FIBCD1: variants seen among roughly 807,000 people sequenced by gnomAD.
FIBCD1 encodes the protein fibrinogen C domain-containing protein 1.
FIBCD1 carries 47 observed loss-of-function variants against 45.1 expected under a neutral mutation model. The ratio of observed to expected loss-of-function variants is 1.04; its 90% confidence interval spans 0.82 to 1.33. The LOEUF (loss-of-function observed/expected upper bound fraction) is 1.33, where lower values mean the gene tolerates loss of function less well. Ranked by LOEUF, FIBCD1 falls within the 40% of genes most tolerant of loss-of-function variation. The probability of loss-of-function intolerance (pLI) is 0.00; values close to 1 mark genes in which losing one functional copy is unlikely to be tolerated. For missense variants in FIBCD1, 653 were observed against 682.2 expected, an observed-to-expected ratio of 0.96 and a Z score of 0.48; for synonymous variants, 313 against 308.1, an observed-to-expected ratio of 1.02 and a Z score of -0.17.
chr9:130,911,273 C>T (rs1317743548), intron 5 of FIBCD1, among the ~76,000 whole-genome samples: 1 of 152,126 alleles, frequency 6.6e-6, no homozygotes, highest in African/African-American at 2.4e-5. Flanking sequence ...GGCGCGCTAC[C>T]TTAAGAGCTA....
chr9:130,913,170 G>A (rs1305263022), intron 4 of FIBCD1, among the ~76,000 whole-genome samples: 1 of 152,226 alleles, frequency 6.6e-6, no homozygotes, highest in Non-Finnish European at 1.5e-5. Flanking sequence ...GGCCAGAGCT[G>A]CCTGGAGTAT....
chr9:130,931,145 C>T (rs1832443360), intron 1 of FIBCD1, among the ~76,000 whole-genome samples: 1 of 152,178 alleles, frequency 6.6e-6, no homozygotes, highest in Non-Finnish European at 1.5e-5. Flanking sequence ...GGAGAAGAGG[C>T]CTGCTGCCCT....
intron 1 of FIBCD1, 110 bp from the exon 2 acceptor site, chr9:130,930,156 C>T: frequency 1.5e-6 from 2 of 1,353,534 alleles, no homozygotes; most frequent in Non-Finnish European, 1.9e-6. Flanking sequence ...GGGGGCTGGG[C>T]AAGGGCGTGG....
Position 130,922,328 on chromosome 9 carries a change from G to A in FIBCD1, c.849+1416C>T, listed in dbSNP as rs1310877502. On this transcript the variant is annotated intron_variant, in intron 4 of 6. Transcript: ENST00000372338. This position sits in a 1 kb window ranked among gnomAD's most constrained non-coding sequence, Gnocchi z 4.5. The stretch of plus-strand genomic sequence containing the variant: ...TGGCTAAGCAGGCCTGACTGGCATC[G>A]CCGGCCTCCCAGTCTCTCTCCAGCA... 1.3e-5 allele frequency among the ~76,000 whole-genome samples: 2 copies of A among 152,096 alleles called. No homozygotes were observed. The highest frequency in any genetic ancestry group is 2.9e-5 in the Non-Finnish European group (2 of 68,004).
rs1352652559 is a variant in FIBCD1, at chr9:130,902,852, C to G, written c.*1212G>C. On this transcript the variant is annotated 3_prime_UTR_variant, in exon 7 of 7. Coordinates refer to ENST00000372338, the MANE Select transcript of FIBCD1 (RefSeq NM_032843.5). ...TGCGGGTCTCACCTCTGCATGTGTG[C>G]ACACAAGGAGTGGGGATGACAGCGT... 3 of 152,516 alleles carry G rather than the reference C, an allele frequency of 2.0e-5. No individual in the cohort carries two copies. In the East Asian group the frequency reaches 5.8e-4, roughly 29 times the overall value. 9.4% of individuals were successfully genotyped at this position (152,516 alleles called of 1,614,324 possible).
intron 4 of FIBCD1, among the ~76,000 whole-genome samples, chr9:130,914,303 A>G (rs1347525546): frequency 1.3e-5 from 2 of 152,220 alleles, no homozygotes; most frequent in African/African-American, 2.4e-5. Flanking sequence ...CACCAGCTGC[A>G]AAAGCCAAGT....
At chr9:130,930,110 T>C (rs866458316) in intron 1 of FIBCD1, 64 bp from the exon 2 acceptor site, 3 of 1,461,218 alleles carry the variant, frequency 2.1e-6, no homozygotes, top group Middle Eastern at 4.8e-4. Flanking sequence ...GGGCCAGCAT[T>C]AGAGGCATAC....
rs1180414641 is a variant in FIBCD1 at position 130,926,552 on chromosome 9, G to T, written c.553-2156C>A. Among the ~76,000 whole-genome samples, 1 of 152,216 alleles carries T rather than the reference G, an allele frequency of 6.6e-6. No homozygotes were observed. On this transcript the variant is annotated intron_variant, in intron 2 of 6. Transcript: ENST00000372338. The surrounding 1 kb of genome is among the most constrained non-coding windows in gnomAD (Gnocchi z 4.1). Reference sequence around the variant, plus strand: ...TGGGATAACAAGGCCGGGTGTGGTGGCTCACGCCTGTAATCCCAGCACTTT... The same window carrying T: ...TGGGATAACAAGGCCGGGTGTGGTGTCTCACGCCTGTAATCCCAGCACTTT...
Position 130,910,518 on chromosome 9 carries a change from C to T in FIBCD1, c.946+1274G>A, listed in dbSNP as rs535853526. Among the ~76,000 whole-genome samples the T allele has an allele frequency of 1.3e-4, 20 of 152,360 alleles. No individual in the cohort carries two copies. The South Asian group carries it at 4.1e-3, about 32-fold the overall frequency. On this transcript the variant is annotated intron_variant, in intron 5 of 6. Transcript: ENST00000372338. ...GGCTGAGGAGTGCAGGCACACGGCG[C>T]GGGACTGGCAGGCAGCTCCACCTGC...
At chr9:130,921,467 T>C (rs1321288174) in intron 4 of FIBCD1, among the ~76,000 whole-genome samples, 1 of 152,198 alleles carries the variant, frequency 6.6e-6, no homozygotes, top group East Asian at 1.9e-4. Context: ...ACTTCTCAGA[T>C]GAGAATGGCC....
intron 1 of FIBCD1, among the ~76,000 whole-genome samples, chr9:130,932,447 G>A (rs925476178): frequency 5.3e-5 from 8 of 152,162 alleles, no homozygotes; most frequent in South Asian, 2.1e-4. Flanking sequence ...CGTCCATTCC[G>A]GGCTCCACGC....
At chr9:130,932,778 T>A (rs1333590107) in intron 1 of FIBCD1, among the ~76,000 whole-genome samples, 2 of 152,234 alleles carry the variant, frequency 1.3e-5, no homozygotes, top group East Asian at 3.8e-4. Flanking sequence ...CCAGGGCCGC[T>A]AACTGGGCCG....
upstream of FIBCD1, among the ~76,000 whole-genome samples, chr9:130,939,464 G>A (rs542577998): frequency 4.9e-4 from 75 of 152,220 alleles, no homozygotes; most frequent in African/African-American, 1.7e-3. Context: ...TCCCTGCGCC[G>A]GACCCCGACG....
intron 4 of FIBCD1, among the ~76,000 whole-genome samples, chr9:130,921,843 A>AT (rs1041134316): frequency 6.6e-6 from 1 of 152,228 alleles, no homozygotes; most frequent in South Asian, 2.1e-4. Flanking sequence ...GCTCCAGTAC[A>AT]TTTTTAAAAG....
At chr9:130,924,597 C>G (rs1282709851) in intron 2 of FIBCD1, among the ~76,000 whole-genome samples, 1 of 152,168 alleles carries the variant, frequency 6.6e-6, no homozygotes, top group Non-Finnish European at 1.5e-5. Context: ...AGCCTGTGCT[C>G]TGGGGCCTCG....
intron 1 of FIBCD1, among the ~76,000 whole-genome samples, chr9:130,934,755 C>A (rs758855670): frequency 6.6e-6 from 1 of 152,238 alleles, no homozygotes; most frequent in Non-Finnish European, 1.5e-5. Flanking sequence ...ACCAACCCTA[C>A]CTGTTGCCCC....
At chr9:130,908,500 C>T (rs1831975755) in intron 5 of FIBCD1, among the ~76,000 whole-genome samples, 1 of 152,230 alleles carries the variant, frequency 6.6e-6, no homozygotes, top group Non-Finnish European at 1.5e-5. Flanking sequence ...CATCTCCCCT[C>T]CTTCCACCCA....
At chr9:130,913,972 GCTTTGC>G (rs1474697027) in intron 4 of FIBCD1, among the ~76,000 whole-genome samples, 15 of 152,218 alleles carry the variant, frequency 9.9e-5, no homozygotes, top group African/African-American at 3.4e-4. Context: ...CAGGGCCCCA[GCTTTGC>G]CTTAGAGAGC....
chr9:130,903,749 A>G lies in FIBCD1; in HGVS notation c.*315T>C, dbSNP rs1831874420. On this transcript the variant is annotated 3_prime_UTR_variant, in exon 7 of 7. Coordinates refer to ENST00000372338, the MANE Select transcript of FIBCD1 (RefSeq NM_032843.5). Reference sequence around the variant, plus strand: ...GAGGGTGCCTGGGGCAGACTCCACCATCCTGGCCAGGGGACGGCAAACAGC... The same window carrying G: ...GAGGGTGCCTGGGGCAGACTCCACCGTCCTGGCCAGGGGACGGCAAACAGC... 4.1e-6 allele frequency: 2 copies of G among 484,232 alleles called. No individual in the cohort carries two copies. Among genetic ancestry groups the G allele is most frequent in the Admixed American group, 6.6e-5 (2 of 30,192 alleles). 30.0% of individuals were successfully genotyped at this position (484,232 alleles called of 1,614,324 possible).
Sources: allele counts gnomAD v4.1 joint callset (sites outside exome capture counted in the v4.1 genomes callset), GRCh38; gene constraint gnomAD v4.1.1; non-coding constraint Gnocchi (gnomAD v3.1); transcripts MANE v1.5; gene names NCBI Gene and HGNC (gene_info 2026-07-23, HGNC 2026-07-21).